Variants in DTNA observed in about 807,000 individuals in gnomAD.
DTNA encodes dystrobrevin alpha.
A neutral mutation model predicts 100.7 loss-of-function variants in DTNA; 43 were observed. That is an observed-to-expected ratio of 0.43 (90% CI 0.33 to 0.55). DTNA has a LOEUF of 0.55. Among genes scored for constraint, DTNA ranks in the 20% least tolerant of loss-of-function variants. DTNA has a pLI of 0.04. For missense variants in DTNA, 798 were observed against 953.9 expected (o/e 0.84, Z 2.15); for synonymous variants, 349 against 347.9 (o/e 1.00, Z -0.04).
At chr18:34,868,486 C>A in intron 17 of DTNA, 9 of 985,388 alleles carry the variant, frequency 9.1e-6, no homozygotes, top group Non-Finnish European at 1.1e-5. Flanking sequence ...TTTAGACTGG[C>A]ATCTGCTTCT....
chr18:34,544,497 A>T (rs1270135598), intron 1 of DTNA, among the ~76,000 whole-genome samples: 1 of 152,082 alleles, frequency 6.6e-6, no homozygotes, highest in Non-Finnish European at 1.5e-5. Context: ...TAGAAAGGAA[A>T]ATCAAGGAAT....
chr18:34,884,590 G>A, intron 21 of DTNA, 138 bp from the exon 22 acceptor site: 1 of 948,940 alleles, frequency 1.1e-6, no homozygotes, highest in Admixed American at 1.7e-5. Context: ...TGGATGGATT[G>A]GAACGCTACT....
At chr18:34,535,189 C>A (rs1455968618) in intron 1 of DTNA, among the ~76,000 whole-genome samples, 2 of 152,130 alleles carry the variant, frequency 1.3e-5, no homozygotes, top group African/African-American at 4.8e-5. Flanking sequence ...GTCATTCTAA[C>A]TGGTGTGAGA....
intron 4 of DTNA, among the ~76,000 whole-genome samples, chr18:34,798,024 G>A (rs1165552848): frequency 5.9e-5 from 9 of 151,906 alleles, no homozygotes; most frequent in African/African-American, 1.7e-4. Context: ...TTTTAAGACC[G>A]AGTCTCACTC....
At chr18:34,830,729 A>G (rs2095988758) in intron 11 of DTNA, among the ~76,000 whole-genome samples, 1 of 152,228 alleles carries the variant, frequency 6.6e-6, no homozygotes, top group African/African-American at 2.4e-5. Flanking sequence ...AGTGTTGGTC[A>G]GAAGTTAGGT....
rs1371866682 is a variant in DTNA, at chr18:34,613,265, C to T, written c.-2+119751C>T. Reference sequence around the variant, plus strand: ...CTGCTCCACTGACCAGCCATTCCTCCATTTCTCTCCCTATCCTCCAACCTC... The same window carrying T: ...CTGCTCCACTGACCAGCCATTCCTCTATTTCTCTCCCTATCCTCCAACCTC... On this transcript the variant is annotated intron_variant, in intron 1 of 19. Coordinates refer to the DTNA transcript ENST00000283365. 7.2e-5 allele frequency among the ~76,000 whole-genome samples: 11 copies of T among 152,334 alleles called. No homozygotes were observed. The East Asian group carries it at 2.1e-3, about 29-fold the overall frequency.
At chr18:34,778,984 AT>A (rs567464632) in intron 3 of DTNA, among the ~76,000 whole-genome samples, 69 of 147,276 alleles carry the variant, frequency 4.7e-4, no homozygotes, top group East Asian at 1.2e-3. Context: ...TGCCCAGCTA[AT>A]TTTTTTTTTT....
intron 1 of DTNA, among the ~76,000 whole-genome samples, chr18:34,735,690 T>G (rs981820425): frequency 3.3e-5 from 5 of 152,194 alleles, no homozygotes; most frequent in African/African-American, 1.2e-4. Flanking sequence ...ATTTTTATTT[T>G]CATTTTTAGT....
chr18:34,671,638 T>G (rs2145089353), intron 1 of DTNA, among the ~76,000 whole-genome samples: 1 of 152,340 alleles, frequency 6.6e-6, no homozygotes, highest in Non-Finnish European at 1.5e-5. Context: ...TCCTCTCCAT[T>G]CACCCTGCTT....
At chr18:34,714,515 A>C (rs1414020309) in intron 1 of DTNA, among the ~76,000 whole-genome samples, 2 of 149,798 alleles carry the variant, frequency 1.3e-5, no homozygotes, top group Non-Finnish European at 3.0e-5. Flanking sequence ...AGAGAAATGC[A>C]AATCAAAACC....
chr18:34,500,718 C>G (rs886822868), intron 1 of DTNA, among the ~76,000 whole-genome samples: 1 of 151,934 alleles, frequency 6.6e-6, no homozygotes. Flanking sequence ...CCTGTATCGG[C>G]CTCCCAAACT....
At chr18:34,562,530 A>G (rs1238643525) in intron 1 of DTNA, among the ~76,000 whole-genome samples, 1 of 152,120 alleles carries the variant, frequency 6.6e-6, no homozygotes, top group East Asian at 1.9e-4. Flanking sequence ...TTTACCATGC[A>G]GCATTCTACT....
At chr18:34,622,516 T>G (rs1322254681) in intron 1 of DTNA, among the ~76,000 whole-genome samples, 1 of 152,164 alleles carries the variant, frequency 6.6e-6, no homozygotes, top group Non-Finnish European at 1.5e-5. Flanking sequence ...GGGGTGTGCC[T>G]GTGAAGGTGT....
intron 1 of DTNA, among the ~76,000 whole-genome samples, chr18:34,735,323 G>A (rs1288429708): frequency 6.6e-6 from 1 of 152,102 alleles, no homozygotes; most frequent in Admixed American, 6.6e-5. Context: ...TGACTCAAAC[G>A]TTATTTTGGC....
intron 16 of DTNA, 140 bp from the exon 17 acceptor site, chr18:34,863,826 A>G: frequency 1.3e-6 from 1 of 757,374 alleles, no homozygotes; most frequent in Non-Finnish European, 2.3e-6. Flanking sequence ...CATTCATTTG[A>G]CAACAGTTCC....
At position 34,577,975 on chromosome 18, in the gene DTNA, A is replaced by G. The variant is rs113588373; in HGVS notation, c.-2+84461A>G. Among the ~76,000 whole-genome samples the G allele has an allele frequency of 1.6e-4, 23 of 145,812 alleles. 1 individual carries two copies. Among genetic ancestry groups the G allele is most frequent in the African/African-American group, 5.6e-4 (22 of 39,344 alleles). On this transcript the variant is annotated intron_variant, in intron 1 of 19. Coordinates refer to the DTNA transcript ENST00000283365. ...TATAATGGCTTTTTTTCCTCTGGGTAGATACCCAGTAGTGGGATTGCTGGA... is the reference window on the plus strand; with the variant it reads ...TATAATGGCTTTTTTTCCTCTGGGTGGATACCCAGTAGTGGGATTGCTGGA...
At chr18:34,606,154 A>G (rs2053048899) in intron 1 of DTNA, among the ~76,000 whole-genome samples, 1 of 152,118 alleles carries the variant, frequency 6.6e-6, no homozygotes, top group Non-Finnish European at 1.5e-5. Flanking sequence ...ATACTGAGTA[A>G]ATAACTGGGT....
At chr18:34,578,775 A>G (rs28875288) in intron 1 of DTNA, among the ~76,000 whole-genome samples, 15,652 of 151,996 alleles carry the variant, frequency 0.1, 1,168 homozygotes, top group African/African-American at 0.21. Flanking sequence ...TCAGTTGGCT[A>G]TAAGTATTTG....
In DTNA at chr18:34,627,235, C is replaced by G. The variant is rs114662351; in HGVS notation, c.-1-128741C>G. Among the ~76,000 whole-genome samples, 971 of 152,060 alleles carry G rather than the reference C, an allele frequency of 6.4e-3. 7 individuals are homozygous for G. The highest frequency in any genetic ancestry group is 0.023 in the African/African-American group (934 of 41,480). On this transcript the variant is annotated intron_variant, in intron 1 of 19. Coordinates refer to the DTNA transcript ENST00000283365. ...AGTGACTTGATCTTTTTTGTGTTCACTTGGTTGGTCAAAACAAACAAACAA... is the reference window on the plus strand; with the variant it reads ...AGTGACTTGATCTTTTTTGTGTTCAGTTGGTTGGTCAAAACAAACAAACAA...
Sources: allele counts gnomAD v4.1 joint callset (sites outside exome capture counted in the v4.1 genomes callset), GRCh38; gene constraint gnomAD v4.1.1; transcripts MANE v1.5; gene names NCBI Gene and HGNC (gene_info 2026-07-23, HGNC 2026-07-21).